The following ASCC3 variants were observed in gnomAD, a reference collection of about 807,000 sequenced individuals.
ASCC3 encodes activating signal cointegrator 1 complex subunit 3.
Under a neutral mutation model 256.3 loss-of-function variants are expected in ASCC3, and 158 were observed. That is an observed-to-expected ratio of 0.62 (90% CI 0.54 to 0.70). The LOEUF is 0.70. Among genes scored for constraint, ASCC3 ranks in the 30% least tolerant of loss-of-function variants. The probability of loss-of-function intolerance (pLI) is 0.00; values close to 1 mark genes in which losing one functional copy is unlikely to be tolerated. For missense variants in ASCC3, 2,259 were observed against 2,626.0 expected, an observed-to-expected ratio of 0.86 and a Z score of 3.05; for synonymous variants, 948 against 883.4, an observed-to-expected ratio of 1.07 and a Z score of -1.30.
At chr6:100,667,302 C>A (rs1776525438) in intron 14 of ASCC3, among the ~76,000 whole-genome samples, 2 of 152,168 alleles carry the variant, frequency 1.3e-5, no homozygotes, top group Middle Eastern at 3.4e-3. Flanking sequence ...ATATAAGTAC[C>A]TAAGCTGGGA....
chr6:100,684,776 T>A (rs114454377), intron 13 of ASCC3, among the ~76,000 whole-genome samples: 2 of 151,526 alleles, frequency 1.3e-5, no homozygotes, highest in Non-Finnish European at 2.9e-5. Flanking sequence ...GGTAGGAATA[T>A]TTAATGTGAA....
intron 4 of ASCC3, among the ~76,000 whole-genome samples, chr6:100,836,448 GA>G (rs1390281644): frequency 6.6e-6 from 1 of 152,220 alleles, no homozygotes; most frequent in East Asian, 1.9e-4. Context: ...TTTTAATCAT[GA>G]AGTGGTGTTG....
rs578013703 is a variant in ASCC3 at position 100,822,695 on chromosome 6, CAT to C, written c.802-16817_802-16816del. Among the ~76,000 whole-genome samples, 223 of 152,258 alleles carry C rather than the reference CAT, an allele frequency of 1.5e-3. 1 individual carries two copies. The highest frequency in any genetic ancestry group is 5.2e-3 in the African/African-American group (217 of 41,550). ...AATAGATAACTACAATACATACCTA[CAT>C]AGTTACTTTCTCCCACCTGACTTGA... On this transcript the variant is annotated intron_variant, in intron 4 of 41. Coordinates refer to ENST00000369162, the MANE Select transcript of ASCC3 (RefSeq NM_006828.4).
At chr6:100,805,963 G>T in intron 4 of ASCC3, 83 bp from the exon 5 acceptor site, 1 of 1,360,894 alleles carries the variant, frequency 7.3e-7, no homozygotes, top group Non-Finnish European at 1.0e-6. Flanking sequence ...ATTCAACAGA[G>T]GTGTAAAGCC....
At chr6:100,745,867 C>A (rs968744929) in intron 10 of ASCC3, among the ~76,000 whole-genome samples, 2 of 152,038 alleles carry the variant, frequency 1.3e-5, no homozygotes, top group African/African-American at 4.8e-5. Context: ...CTTTTTCTAT[C>A]AATCAGTAAC....
chr6:100,856,262 TATGG>T, intron 3 of ASCC3: 1 of 396,948 alleles, frequency 2.5e-6, no homozygotes, highest in Non-Finnish European at 3.4e-6. Flanking sequence ...TACATATATT[TATGG>T]ATGTATAAAT....
chr6:100,678,045 A>T (rs1001777714), intron 14 of ASCC3, among the ~76,000 whole-genome samples: 2 of 152,154 alleles, frequency 1.3e-5, no homozygotes, highest in Admixed American at 6.5e-5. Context: ...ATCAAGGGAT[A>T]ATACCAGCAA....
Position 100,548,669 on chromosome 6 carries a change from AG to A in ASCC3, c.5551-8283del, listed in dbSNP as rs1430864620. 2.0e-5 allele frequency among the ~76,000 whole-genome samples: 3 copies of A among 151,966 alleles called. No individual in the cohort carries two copies. The East Asian group carries it at 5.8e-4, about 29-fold the overall frequency. ...ATGGAAACATGAGAGAGTTTTGTAA[AG>A]AAATTTGACCAAGTTAGGAAGGTTA... On this transcript the variant is annotated intron_variant, in intron 36 of 41. Transcript: ENST00000369162.
At chr6:100,740,269 T>C (rs140540304) in intron 10 of ASCC3, among the ~76,000 whole-genome samples, 2,082 of 152,346 alleles carry the variant, frequency 0.014, 21 homozygotes, top group East Asian at 0.045. Flanking sequence ...TCTTGAGTTC[T>C]AATTTGATTG....
At chr6:100,760,047 T>C (rs900158452) in intron 10 of ASCC3, among the ~76,000 whole-genome samples, 12 of 152,130 alleles carry the variant, frequency 7.9e-5, no homozygotes, top group African/African-American at 2.2e-4. Flanking sequence ...TTTAAGGAGT[T>C]TTGGGGCTGA....
rs189137339 is a variant in ASCC3, at chr6:100,641,835, T to C, written c.3901+746A>G. ...TACACCATGGAATACTATGCAGCCA[T>C]AGAAAGGATGAGTGCATGTCCTTTG... is the stretch of plus-strand genomic sequence containing the variant. On this transcript the variant is annotated intron_variant, in intron 24 of 41. Transcript: ENST00000369162. 1.2e-3 allele frequency among the ~76,000 whole-genome samples: 179 copies of C among 152,116 alleles called. 1 individual carries two copies. The highest frequency in any genetic ancestry group is 4.0e-3 in the African/African-American group (167 of 41,506).
intron 13 of ASCC3, among the ~76,000 whole-genome samples, chr6:100,682,279 A>G (rs186702550): frequency 1.3e-5 from 2 of 152,298 alleles, no homozygotes; most frequent in Admixed American, 6.5e-5. Context: ...AGTCCTGATA[A>G]AACTGCCATG....
intron 36 of ASCC3, among the ~76,000 whole-genome samples, chr6:100,552,792 T>A (rs1012523286): frequency 2.6e-5 from 4 of 152,000 alleles, no homozygotes; most frequent in Admixed American, 6.6e-5. Context: ...TAGTGTTTTT[T>A]AATTAAAACT....
chr6:100,605,789 C>A (rs1772854015), intron 32 of ASCC3, 89 bp from the exon 33 acceptor site: 1 of 1,386,520 alleles, frequency 7.2e-7, no homozygotes, highest in Non-Finnish European at 1.0e-6. Context: ...TATAATCAAC[C>A]AAATAACAAA....
chr6:100,696,362 T>C (rs1026388002), intron 13 of ASCC3, among the ~76,000 whole-genome samples: 13 of 152,272 alleles, frequency 8.5e-5, no homozygotes, highest in African/African-American at 2.6e-4. Context: ...ACATGGATAA[T>C]TGTATCAGAT....
intron 14 of ASCC3, among the ~76,000 whole-genome samples, chr6:100,667,534 C>A (rs1358677983): frequency 1.1e-4 from 17 of 151,970 alleles, no homozygotes; most frequent in Admixed American, 1.1e-3. Flanking sequence ...GTATCGGCCA[C>A]TACAGCAATC....
intron 10 of ASCC3, among the ~76,000 whole-genome samples, chr6:100,726,182 A>T (rs940717013): frequency 2.0e-5 from 3 of 151,942 alleles, no homozygotes; most frequent in Non-Finnish European, 4.4e-5. Context: ...TCATAAATAT[A>T]CCCAGAGATC....
At chr6:100,562,031 C>T (rs1769983182) in intron 36 of ASCC3, among the ~76,000 whole-genome samples, 1 of 152,030 alleles carries the variant, frequency 6.6e-6, no homozygotes, top group Non-Finnish European at 1.5e-5. Flanking sequence ...TTTGTGAAGT[C>T]CTTCTTACAC....
chr6:100,733,093 T>C (rs1339723242), intron 10 of ASCC3, among the ~76,000 whole-genome samples: 1 of 152,198 alleles, frequency 6.6e-6, no homozygotes, highest in Non-Finnish European at 1.5e-5. Flanking sequence ...ATACATAATA[T>C]GTGATTATAT....
Sources: allele counts gnomAD v4.1 joint callset (sites outside exome capture counted in the v4.1 genomes callset), GRCh38; gene constraint gnomAD v4.1.1; transcripts MANE v1.5; gene names NCBI Gene and HGNC (gene_info 2026-07-23, HGNC 2026-07-21).